The following GRIK1 variants were observed in gnomAD, a reference collection of about 807,000 sequenced individuals.
The protein encoded by GRIK1 is glutamate receptor ionotropic, kainate 1.
GRIK1 carries 69 observed loss-of-function variants against 105.7 expected under a neutral mutation model. That is an observed-to-expected ratio of 0.65 (90% CI 0.54 to 0.80). GRIK1 has a LOEUF of 0.80. Ranked by LOEUF, GRIK1 falls within the 30% of genes least tolerant of loss-of-function variation. The probability of loss-of-function intolerance (pLI) is 0.00; values close to 1 mark genes in which losing one functional copy is unlikely to be tolerated. For missense variants in GRIK1, 1,109 were observed against 1,167.3 expected (o/e 0.95, Z 0.73); for synonymous variants, 438 against 431.3 (o/e 1.02, Z -0.19).
Position 29,876,110 on chromosome 21 carries a change from A to ATGTG in GRIK1, c.118+63272_118+63273insCACA, listed in dbSNP as rs200701692. 2.3e-4 allele frequency among the ~76,000 whole-genome samples: 9 copies of ATGTG among 39,680 alleles called. 1 individual carries two copies. The highest frequency in any genetic ancestry group is 6.0e-4 in the African/African-American group (8 of 13,320). The allele number at this position is 39,680 out of a possible 152,430, so 26.0% of individuals were successfully genotyped here. ...ACACAATCCCAAGGGGAGGAGATAG[A>ATGTG]TATGTGTGTGTGTGTGTGTGTGTGT... On this transcript the variant is annotated intron_variant, in intron 1 of 17. Transcript: ENST00000327783.
intron 1 of GRIK1, among the ~76,000 whole-genome samples, chr21:29,851,942 C>T (rs2068319378): frequency 6.6e-6 from 1 of 152,204 alleles, no homozygotes. Context: ...AAAGACACTA[C>T]CATTCCGTTC....
At chr21:29,769,846 A>G (rs1057187105) in intron 1 of GRIK1, among the ~76,000 whole-genome samples, 2 of 152,162 alleles carry the variant, frequency 1.3e-5, no homozygotes, top group Non-Finnish European at 2.9e-5. Context: ...CTAGCCTTCA[A>G]AACTGCAGGA....
At chr21:29,628,449 C>T (rs2062183574) in intron 7 of GRIK1, among the ~76,000 whole-genome samples, 1 of 152,182 alleles carries the variant, frequency 6.6e-6, no homozygotes, top group Non-Finnish European at 1.5e-5. Flanking sequence ...AATAGCTTTT[C>T]TTGCCAATAT....
chr21:29,904,938 G>A (rs1195514651), intron 1 of GRIK1, among the ~76,000 whole-genome samples: 1 of 152,164 alleles, frequency 6.6e-6, no homozygotes, highest in East Asian at 1.9e-4. Context: ...TAACCGACAT[G>A]CTCTGACTTC....
At chr21:29,697,949 T>TTTTC (rs1555874558) in intron 1 of GRIK1, among the ~76,000 whole-genome samples, 1 of 124,830 alleles carries the variant, frequency 8.0e-6, no homozygotes, top group African/African-American at 3.7e-5. Context: ...TTTCTTTCTT[T>TTTTC]TTTCTTTCTT....
chr21:29,736,753 C>T (rs190194088), intron 1 of GRIK1, among the ~76,000 whole-genome samples: 1 of 150,702 alleles, frequency 6.6e-6, no homozygotes, highest in Non-Finnish European at 1.5e-5. Flanking sequence ...TTTTGGATCA[C>T]TGCAACCTCT....
chr21:29,899,055 C>T (rs540093620), intron 1 of GRIK1, among the ~76,000 whole-genome samples: 12 of 152,006 alleles, frequency 7.9e-5, no homozygotes, highest in Non-Finnish European at 1.3e-4. Context: ...CATATCTGGG[C>T]TTTCTCTAAA....
intron 1 of GRIK1, among the ~76,000 whole-genome samples, chr21:29,778,410 G>A (rs910697890): frequency 3.3e-5 from 5 of 152,158 alleles, no homozygotes; most frequent in African/African-American, 1.2e-4. Context: ...AGATTCTAGC[G>A]CAGTTCCTTG....
chr21:29,873,894 G>A (rs551690872), intron 1 of GRIK1, among the ~76,000 whole-genome samples: 2 of 152,184 alleles, frequency 1.3e-5, no homozygotes, highest in Admixed American at 1.3e-4. Context: ...GCAGAGGCTT[G>A]TTTCGGGATG....
At chr21:29,809,720 G>A (rs185340947) in intron 1 of GRIK1, among the ~76,000 whole-genome samples, 8 of 152,242 alleles carry the variant, frequency 5.3e-5, no homozygotes, top group Admixed American at 2.6e-4. Context: ...CGCCTGTCTC[G>A]GCTTTTGCCA....
At chr21:29,867,291 C>T (rs149157584) in intron 1 of GRIK1, among the ~76,000 whole-genome samples, 13 of 151,288 alleles carry the variant, frequency 8.6e-5, no homozygotes, top group South Asian at 8.4e-4. Flanking sequence ...AGAAGCGATA[C>T]GACAGATGAA....
rs116643571 is a variant in GRIK1, at chr21:29,755,938, C to T, written c.119-61875G>A. Among the ~76,000 whole-genome samples, 913 of 152,238 alleles carry T rather than the reference C, an allele frequency of 6.0e-3. 5 individuals carry two copies. Among genetic ancestry groups the T allele is most frequent in the African/African-American group, 0.021 (864 of 41,526 alleles). ...TTAGGGTTAGAAGAGAAATGCAAAG[C>T]ATATTTTTACTGTCTGTGATTGAGG... is the stretch of plus-strand genomic sequence containing the variant. On this transcript the variant is annotated intron_variant, in intron 1 of 17. Transcript: ENST00000327783.
chr21:29,584,203 G>A (rs1462629077), intron 12 of GRIK1, among the ~76,000 whole-genome samples: 1 of 152,148 alleles, frequency 6.6e-6, no homozygotes, highest in Non-Finnish European at 1.5e-5. Flanking sequence ...GCATTGAGGA[G>A]AGAAAAATCC....
chr21:29,566,188 T>C (rs889749517), intron 14 of GRIK1, among the ~76,000 whole-genome samples: 6 of 152,346 alleles, frequency 3.9e-5, no homozygotes, highest in Admixed American at 1.3e-4. Flanking sequence ...TTTGTACTTC[T>C]AAATCACATA....
intron 7 of GRIK1, among the ~76,000 whole-genome samples, chr21:29,638,768 A>G (rs574858762): frequency 2.6e-5 from 4 of 152,332 alleles, no homozygotes; most frequent in Middle Eastern, 6.8e-3. Flanking sequence ...CCTTTTCTTG[A>G]AAATGGAAAA....
chr21:29,646,496 T>C (rs2062622759), intron 6 of GRIK1, among the ~76,000 whole-genome samples: 1 of 152,240 alleles, frequency 6.6e-6, no homozygotes, highest in Admixed American at 6.5e-5. Flanking sequence ...TTCTGAGTTC[T>C]GTGAGTCCTG....
At chr21:29,907,136 TTTTTG>T (rs944492630) in intron 1 of GRIK1, among the ~76,000 whole-genome samples, 40 of 152,136 alleles carry the variant, frequency 2.6e-4, no homozygotes, top group African/African-American at 8.7e-4. Context: ...ATTGCTGCTT[TTTTTG>T]TTTTTGTTTT....
chr21:29,840,881 T>C (rs2067960066), intron 1 of GRIK1, among the ~76,000 whole-genome samples: 1 of 151,676 alleles, frequency 6.6e-6, no homozygotes, highest in Non-Finnish European at 1.5e-5. Context: ...ACACAACAGC[T>C]GGGAAAAAAA....
intron 1 of GRIK1, among the ~76,000 whole-genome samples, chr21:29,758,605 A>C (rs2065415735): frequency 6.6e-6 from 1 of 152,210 alleles, no homozygotes; most frequent in South Asian, 2.1e-4. Context: ...ATTATAACAA[A>C]ATAAGGTCAA....
Sources: allele counts gnomAD v4.1 joint callset (sites outside exome capture counted in the v4.1 genomes callset), GRCh38; gene constraint gnomAD v4.1.1; transcripts MANE v1.5; gene names NCBI Gene and HGNC (gene_info 2026-07-23, HGNC 2026-07-21).